Variants in EDNRA observed in about 807,000 individuals in gnomAD.
EDNRA encodes the protein endothelin-1 receptor.
A neutral mutation model predicts 41.4 loss-of-function variants in EDNRA; 11 were observed. The ratio of observed to expected loss-of-function variants is 0.27; its 90% CI spans 0.17 to 0.44. EDNRA has a LOEUF of 0.44. EDNRA is among the 20% of genes least tolerant of loss of function. The probability of loss-of-function intolerance (pLI) is 1.00; values close to 1 mark genes in which losing one functional copy is unlikely to be tolerated. For synonymous variants in EDNRA, 172 were observed against 183.0 expected (o/e 0.94, Z 0.49); for missense variants, 294 against 531.0 (o/e 0.55, Z 4.39).
chr4:147,492,732 T>C (rs1729181076), intron 2 of EDNRA: 1 of 151,632 alleles, frequency 6.6e-6, no homozygotes, highest in Admixed American at 6.6e-5. Context: ...TATATGTACA[T>C]TGCAAAACAT....
chr4:147,537,810 T>A, intron 5 of EDNRA, among the ~76,000 whole-genome samples: 1 of 70,342 alleles, frequency 1.4e-5, no homozygotes, highest in Admixed American at 1.3e-4. Flanking sequence ...TTTGTCCTCA[T>A]GCAGTTAACG....
At chr4:147,537,537 T>G (rs1265516691) in intron 5 of EDNRA, among the ~76,000 whole-genome samples, 1 of 152,140 alleles carries the variant, frequency 6.6e-6, no homozygotes, top group Non-Finnish European at 1.5e-5. Flanking sequence ...AAGCTATGAG[T>G]GGTATTTGCT....
At chr4:147,535,580 G>C (rs1730892467) in intron 4 of EDNRA, among the ~76,000 whole-genome samples, 1 of 152,048 alleles carries the variant, frequency 6.6e-6, no homozygotes, top group South Asian at 2.1e-4. Context: ...TTATTGATTA[G>C]GGCTCTTCCG....
At chr4:147,518,596 C>A (rs1010307015) in intron 2 of EDNRA, among the ~76,000 whole-genome samples, 9 of 152,182 alleles carry the variant, frequency 5.9e-5, no homozygotes, top group African/African-American at 1.7e-4. Context: ...AGTTCTCATT[C>A]TTTATCTACG....
At position 147,486,200 on chromosome 4, in the gene EDNRA, G is replaced by A. The variant is rs1468884307; in HGVS notation, c.420+99G>A. On this transcript the variant is annotated intron_variant, in intron 2 of 7. Transcript: ENST00000651419. The surrounding 1 kb of genome is among the most constrained non-coding windows in gnomAD (Gnocchi z 4.3). Reference sequence around the variant, plus strand: ...TTTTCTGACCTTTGGAATTTTATCTGTGTTTTTACTGAGAGCTATTTCTGC... The same window carrying A: ...TTTTCTGACCTTTGGAATTTTATCTATGTTTTTACTGAGAGCTATTTCTGC... The A allele has an allele frequency of 3.0e-6, 4 of 1,336,502 alleles. No individual in the cohort carries two copies. The highest frequency in any genetic ancestry group is 1.5e-5 in the African/African-American group (1 of 67,304). 82.8% of individuals were successfully genotyped at this position (1,336,502 alleles called of 1,614,324 possible).
At chr4:147,504,757 C>A (rs558065002) in intron 2 of EDNRA, among the ~76,000 whole-genome samples, 1 of 151,778 alleles carries the variant, frequency 6.6e-6, no homozygotes, top group African/African-American at 2.4e-5. Context: ...GAGTTAAGGA[C>A]CAGCCTGGGC....
intron 2 of EDNRA, among the ~76,000 whole-genome samples, chr4:147,513,610 C>T (rs1729998663): frequency 6.6e-6 from 1 of 152,136 alleles, no homozygotes; most frequent in African/African-American, 2.4e-5. Flanking sequence ...ACATCCCAGT[C>T]CCTTCCCCAG....
chr4:147,483,308 G>C (rs965227127), intron 1 of EDNRA, among the ~76,000 whole-genome samples: 4 of 152,138 alleles, frequency 2.6e-5, no homozygotes, highest in Non-Finnish European at 5.9e-5. Context: ...AGTCCTATAA[G>C]CAAAATTATG....
At chr4:147,510,004 C>T (rs1196538297) in intron 2 of EDNRA, among the ~76,000 whole-genome samples, 6 of 152,158 alleles carry the variant, frequency 3.9e-5, no homozygotes, top group South Asian at 4.1e-4. Context: ...GGTTGGGGAC[C>T]GCTGATCTAG....
intron 3 of EDNRA, among the ~76,000 whole-genome samples, chr4:147,525,522 C>T (rs184658500): frequency 4.0e-5 from 6 of 150,200 alleles, no homozygotes; most frequent in Non-Finnish European, 7.4e-5. Context: ...CAGCCATTAC[C>T]AGCTATTAAA....
chr4:147,510,806 G>A (rs752697489), intron 2 of EDNRA, among the ~76,000 whole-genome samples: 5 of 152,104 alleles, frequency 3.3e-5, no homozygotes, highest in African/African-American at 7.2e-5. Context: ...ACTCTTTCAC[G>A]GGAAGAATGA....
rs1728943797 is a variant in EDNRA, at chr4:147,486,288, T to C, written c.420+187T>C. Among the ~76,000 whole-genome samples the C allele has an allele frequency of 6.6e-6, 1 of 152,236 alleles. No individual in the cohort carries two copies. The highest frequency in any genetic ancestry group is 2.1e-4 in the South Asian group (1 of 4,838). On this transcript the variant is annotated intron_variant, in intron 2 of 7. Coordinates refer to ENST00000651419, the MANE Select transcript of EDNRA (RefSeq NM_001957.4). The surrounding 1 kb of genome is among the most constrained non-coding windows in gnomAD (Gnocchi z 4.3). Reference sequence around the variant, plus strand: ...ATTATCTGTCTTATGTTACACTTAGTTTCTACCTTAATTGTAACAAAATAG... The same window carrying C: ...ATTATCTGTCTTATGTTACACTTAGCTTCTACCTTAATTGTAACAAAATAG...
rs747216295 is a variant in EDNRA at position 147,486,627 on chromosome 4, A to G, written c.420+526A>G. ...GGGCATCCTGGCTTTTCTCAGTGAT[A>G]TGGGTGACTTAGAGATAATGGGGTC... On this transcript the variant is annotated intron_variant, in intron 2 of 7. Transcript: ENST00000651419. The surrounding 1 kb of genome is among the most constrained non-coding windows in gnomAD (Gnocchi z 4.3). 1.3e-4 allele frequency among the ~76,000 whole-genome samples: 20 copies of G among 152,216 alleles called. No homozygotes were observed. Among genetic ancestry groups the G allele is most frequent in the Non-Finnish European group, 2.5e-4 (17 of 68,032 alleles).
intron 3 of EDNRA, among the ~76,000 whole-genome samples, chr4:147,520,952 T>G (rs1291099321): frequency 6.6e-6 from 1 of 152,196 alleles, no homozygotes; most frequent in East Asian, 1.9e-4. Context: ...ATTAGAATGG[T>G]ATCCTTGTTA....
intron 3 of EDNRA, among the ~76,000 whole-genome samples, chr4:147,527,272 A>G (rs1046862603): frequency 2.0e-5 from 3 of 152,216 alleles, no homozygotes; most frequent in African/African-American, 4.8e-5. Context: ...AAAAAAAATT[A>G]TGTGTACAAA....
At chr4:147,491,041 C>T (rs554154011) in intron 2 of EDNRA, 1 of 152,152 alleles carries the variant, frequency 6.6e-6, no homozygotes, top group Non-Finnish European at 1.5e-5. Context: ...ACGTAAATCA[C>T]GTCTCCACTT....
At chr4:147,539,295 C>G (rs1013972142) in intron 5 of EDNRA, among the ~76,000 whole-genome samples, 1 of 151,900 alleles carries the variant, frequency 6.6e-6, no homozygotes, top group Non-Finnish European at 1.5e-5. Context: ...TTTTCTACTC[C>G]CCACTCCTAT....
chr4:147,532,325 CAAAAAAAAAAAAA>C (rs59851236), intron 3 of EDNRA, among the ~76,000 whole-genome samples, 168 bp from the exon 4 acceptor site: 1 of 60,390 alleles, frequency 1.7e-5, no homozygotes, highest in Admixed American at 2.2e-4. Context: ...GATTTTGCCT[CAAAAAAAAAAAAA>C]AAAAAAAAAA....
At chr4:147,521,259 AT>A (rs1401613587) in intron 3 of EDNRA, among the ~76,000 whole-genome samples, 10 of 152,354 alleles carry the variant, frequency 6.6e-5, no homozygotes, top group African/African-American at 2.2e-4. Flanking sequence ...AACACAAAAA[AT>A]AATTTCATTA....
Sources: gnomAD v4.1 joint callset for allele counts (sites outside exome capture counted in the v4.1 genomes callset) on GRCh38, gnomAD v4.1.1 for gene constraint, Gnocchi (gnomAD v3.1) non-coding constraint, MANE v1.5 for transcripts, NCBI Gene and HGNC (gene_info 2026-07-23, HGNC 2026-07-21) for gene names.